PIBF1: variants seen among roughly 807,000 people sequenced by gnomAD.
The protein encoded by PIBF1 is progesterone-induced-blocking factor 1.
Under a neutral mutation model 112.5 loss-of-function variants are expected in PIBF1, and 90 were observed. That is an observed-to-expected ratio of 0.80 (90% CI 0.67 to 0.95). The LOEUF (loss-of-function observed/expected upper bound fraction) is 0.95, where lower values mean the gene tolerates loss of function less well. Among genes scored for constraint, PIBF1 ranks in the 40% least tolerant of loss-of-function variants. The probability of loss-of-function intolerance (pLI) is 0.00; values close to 1 mark genes in which losing one functional copy is unlikely to be tolerated. For synonymous variants in PIBF1, 301 were observed against 288.6 expected (o/e 1.04, Z -0.44); for missense variants, 915 against 852.3 (o/e 1.07, Z -0.92).
At chr13:72,892,233 T>A (rs917635833) in intron 10 of PIBF1, among the ~76,000 whole-genome samples, 25 of 152,280 alleles carry the variant, frequency 1.6e-4, no homozygotes, top group Non-Finnish European at 7.4e-5. Flanking sequence ...AGGTATTTTT[T>A]AATAAAATTG....
At position 72,902,718 on chromosome 13, in the gene PIBF1, T is replaced by C. The variant is rs145800007; in HGVS notation, c.1489-5813T>C. On this transcript the variant is annotated intron_variant, in intron 11 of 17. Transcript: ENST00000326291. ...GATAAAGTTTTCAATTAGCATATTATAAATTGTGTATTTTGCTGTGTCCAT... is the reference window on the plus strand; with the variant it reads ...GATAAAGTTTTCAATTAGCATATTACAAATTGTGTATTTTGCTGTGTCCAT... Among the ~76,000 whole-genome samples, 1,135 of 152,292 alleles carry C rather than the reference T, an allele frequency of 7.5e-3. 10 individuals are homozygous for C. The highest frequency in any genetic ancestry group is 0.026 in the African/African-American group (1,065 of 41,558).
intron 10 of PIBF1, among the ~76,000 whole-genome samples, chr13:72,872,372 G>T (rs2039204115): frequency 6.6e-6 from 1 of 152,138 alleles, no homozygotes; most frequent in East Asian, 1.9e-4. Context: ...TGTTAATGAA[G>T]GCTATAATTT....
At chr13:72,952,529 G>A (rs939280819) in intron 14 of PIBF1, among the ~76,000 whole-genome samples, 4 of 150,776 alleles carry the variant, frequency 2.7e-5, no homozygotes, top group African/African-American at 9.8e-5. Flanking sequence ...ATATAATCCC[G>A]TTTTTTTCAT....
chr13:72,998,911 T>G lies in PIBF1; in HGVS notation c.2139T>G (p.His713Gln), dbSNP rs1346031710. 1.2e-6 allele frequency: 2 copies of G among 1,612,048 alleles called. No homozygotes were observed. Among genetic ancestry groups the G allele is most frequent in the Non-Finnish European group, 8.5e-7 (1 of 1,178,484 alleles). ...TTCTCACTAAAACAGAACCAAAACA[T>G]GTGACAGAAAATCAGAAATCAAAGA... ...SLLLTKTEPK[H>Q]VTENQKSKTL... Residue 713 changes from histidine to glutamine, a missense_variant, in exon 17 of 18, where the codon CAT (histidine) becomes CAG (glutamine). By Grantham distance (24) the His-to-Gln change is conservative. Transcript: ENST00000326291.
intron 17 of PIBF1, among the ~76,000 whole-genome samples, chr13:73,011,390 T>C (rs542142317): frequency 6.6e-6 from 1 of 152,188 alleles, no homozygotes; most frequent in African/African-American, 2.4e-5. Context: ...GTTCTTACAG[T>C]AAATATTGGG....
chr13:72,822,003 C>CAGT, intron 6 of PIBF1, 21 bp downstream of exon 6: 7 of 1,589,366 alleles, frequency 4.4e-6, no homozygotes, highest in Non-Finnish European at 6.0e-6. Context: ...AAAATGGCTG[C>CAGT]AGTAGTAGTT....
rs35885902 is a variant in PIBF1 at position 72,894,772 on chromosome 13, AGTGTGT to A, written c.1488+852_1488+857del. Among the ~76,000 whole-genome samples the A allele has an allele frequency of 9.3e-3, 1,274 of 137,196 alleles. 10 individuals are homozygous for A. Among genetic ancestry groups the A allele is most frequent in the Non-Finnish European group, 0.015 (950 of 65,216 alleles). The allele number at this position is 137,196 out of a possible 152,430, so 90.0% of individuals were successfully genotyped here. A position where few individuals can be genotyped will look rare whatever the true frequency, so the allele number is the denominator to read the frequency against. On this transcript the variant is annotated intron_variant, in intron 11 of 17. Transcript: ENST00000326291. ...TAATATATATATTATATATATATAT[AGTGTGT>A]GTGTGTGTGTGTGTGTGTGTGTGTG... is the stretch of plus-strand genomic sequence containing the variant.
chr13:72,907,326 C>G (rs1405348267), intron 11 of PIBF1, among the ~76,000 whole-genome samples: 3 of 152,042 alleles, frequency 2.0e-5, no homozygotes, highest in East Asian at 1.9e-4. Context: ...TCACAGAAAA[C>G]ATATAATCAT....
At chr13:72,890,364 C>T (rs1030399218) in intron 10 of PIBF1, among the ~76,000 whole-genome samples, 2 of 152,120 alleles carry the variant, frequency 1.3e-5, no homozygotes, top group Admixed American at 1.3e-4. Context: ...TGATTTTCAC[C>T]CTTTAACATT....
intron 3 of PIBF1, among the ~76,000 whole-genome samples, chr13:72,793,470 TG>T (rs1189030593): frequency 6.6e-6 from 1 of 152,116 alleles, no homozygotes; most frequent in Non-Finnish European, 1.5e-5. Context: ...TTCTGACTTG[TG>T]GGGGTGGGGT....
chr13:72,933,698 A>G (rs964155323), intron 14 of PIBF1, among the ~76,000 whole-genome samples: 1 of 152,230 alleles, frequency 6.6e-6, no homozygotes, highest in Non-Finnish European at 1.5e-5. Context: ...ATGTGAACAC[A>G]CGTCTATAAA....
In PIBF1 at chr13:72,963,327, C is replaced by T. The variant is rs1485239077; in HGVS notation, c.1834-1947C>T. ...GGAGATTATCAGCCGGACCCAATGG[C>T]TCATGCCTGTAATCCCAGCACTTTG... is the stretch of plus-strand genomic sequence containing the variant. On this transcript the variant is annotated intron_variant, in intron 14 of 17. Coordinates refer to ENST00000326291, the MANE Select transcript of PIBF1 (RefSeq NM_006346.4). Among the ~76,000 whole-genome samples the T allele has an allele frequency of 7.9e-5, 12 of 152,198 alleles. 1 individual carries two copies. Among genetic ancestry groups the T allele is most frequent in the Admixed American group, 7.9e-4 (12 of 15,282 alleles).
intron 9 of PIBF1, among the ~76,000 whole-genome samples, chr13:72,842,798 A>G (rs979052144): frequency 2.6e-4 from 40 of 152,224 alleles, no homozygotes; most frequent in African/African-American, 9.2e-4. Flanking sequence ...TCAGTTAGAT[A>G]ATTCTTGAAG....
intron 9 of PIBF1, among the ~76,000 whole-genome samples, chr13:72,848,745 T>TGA: frequency 6.7e-6 from 1 of 150,286 alleles, no homozygotes; most frequent in African/African-American, 2.5e-5. Context: ...GCCAGGAGAA[T>TGA]GGCATGAACC....
chr13:72,938,764 T>TGCA (rs1440617958), intron 14 of PIBF1, among the ~76,000 whole-genome samples: 1 of 152,246 alleles, frequency 6.6e-6, no homozygotes, highest in Non-Finnish European at 1.5e-5. Flanking sequence ...TCGTAGTGAC[T>TGCA]ATGCCATTTT....
At chr13:72,952,639 T>G (rs1258535287) in intron 14 of PIBF1, among the ~76,000 whole-genome samples, 1 of 151,854 alleles carries the variant, frequency 6.6e-6, no homozygotes, top group Admixed American at 6.6e-5. Context: ...ACTGAGTTTT[T>G]TTTTTTTTTA....
intron 11 of PIBF1, among the ~76,000 whole-genome samples, chr13:72,895,678 A>C (rs2040252632): frequency 6.6e-6 from 1 of 152,106 alleles, no homozygotes; most frequent in Admixed American, 6.6e-5. Flanking sequence ...AAAATGAAAC[A>C]GCCCTTCTGG....
chr13:72,923,978 T>C (rs1004515071), intron 13 of PIBF1, among the ~76,000 whole-genome samples: 1 of 152,158 alleles, frequency 6.6e-6, no homozygotes, highest in African/African-American at 2.4e-5. Flanking sequence ...AAAAAATTTT[T>C]TTAAATAAAG....
At chr13:73,012,723 G>A (rs993311435) in intron 17 of PIBF1, among the ~76,000 whole-genome samples, 8 of 151,824 alleles carry the variant, frequency 5.3e-5, no homozygotes, top group Admixed American at 3.9e-4. Context: ...CCACTGCACT[G>A]TAGTCTAGGC....
Sources: allele counts gnomAD v4.1 joint callset (sites outside exome capture counted in the v4.1 genomes callset), GRCh38; gene constraint gnomAD v4.1.1; transcripts MANE v1.5; gene names NCBI Gene and HGNC (gene_info 2026-07-23, HGNC 2026-07-21).